INPP4B: variants seen among roughly 807,000 people sequenced by gnomAD.
INPP4B encodes inositol polyphosphate 4-phosphatase type II.
Under a neutral mutation model 122.5 loss-of-function variants are expected in INPP4B, and 55 were observed. The observed-to-expected ratio is 0.45, with a 90% CI of 0.36 to 0.56. The LOEUF is 0.56. Among genes scored for constraint, INPP4B ranks in the 20% least tolerant of loss-of-function variants. INPP4B has a pLI of 0.00. For missense variants in INPP4B, 1,000 were observed against 1,097.7 expected (o/e 0.91, Z 1.26); for synonymous variants, 403 against 388.7 (o/e 1.04, Z -0.43).
At chr4:142,650,628 C>A (rs1752740933) in intron 2 of INPP4B, among the ~76,000 whole-genome samples, 1 of 151,652 alleles carries the variant, frequency 6.6e-6, no homozygotes. Flanking sequence ...CAAAGAAGGC[C>A]ATCACACAAT....
intron 2 of INPP4B, among the ~76,000 whole-genome samples, chr4:142,634,680 G>C (rs892540844): frequency 2.0e-5 from 3 of 151,870 alleles, no homozygotes; most frequent in Admixed American, 2.0e-4. Flanking sequence ...TGCTAAAAAA[G>C]ATCTGTGAAA....
chr4:142,405,174 A>AGAGAGC, intron 6 of INPP4B, 32 bp downstream of exon 6: 3 of 1,249,388 alleles, frequency 2.4e-6, no homozygotes, highest in Non-Finnish European at 3.5e-6. Flanking sequence ...AGAGAGAGAG[A>AGAGAGC]GAGAGATTAA....
intron 1 of INPP4B, among the ~76,000 whole-genome samples, chr4:142,754,097 TA>T (rs2150956788): frequency 6.6e-6 from 1 of 152,212 alleles, no homozygotes; most frequent in African/African-American, 2.4e-5. Context: ...TTTAATGCCG[TA>T]GATGCCAATT....
At chr4:142,841,375 CT>C (rs1244271275) in intron 1 of INPP4B, among the ~76,000 whole-genome samples, 18 of 151,842 alleles carry the variant, frequency 1.2e-4, no homozygotes, top group Non-Finnish European at 2.2e-4. Context: ...GATCTTTTGG[CT>C]AAGAAAGCAA....
At chr4:142,217,927 A>ACTGGAACT (rs1457431304) in intron 12 of INPP4B, among the ~76,000 whole-genome samples, 1 of 152,086 alleles carries the variant, frequency 6.6e-6, no homozygotes, top group Admixed American at 6.6e-5. Context: ...GACACACTCG[A>ACTGGAACT]CTGGAACTAC....
At chr4:142,290,942 G>T (rs1211115093) in intron 9 of INPP4B, among the ~76,000 whole-genome samples, 1 of 152,040 alleles carries the variant, frequency 6.6e-6, no homozygotes, top group Non-Finnish European at 1.5e-5. Context: ...TATGTACCAG[G>T]CACTAGTTCA....
intron 2 of INPP4B, among the ~76,000 whole-genome samples, chr4:142,611,641 T>TC (rs1340905743): frequency 4.7e-5 from 6 of 127,686 alleles, no homozygotes; most frequent in African/African-American, 1.8e-4. Context: ...TTTTTTCTTT[T>TC]TTTTTTTTTT....
chr4:142,267,248 CAA>C (rs1174695044), intron 10 of INPP4B, among the ~76,000 whole-genome samples: 3 of 152,054 alleles, frequency 2.0e-5, no homozygotes, highest in Non-Finnish European at 2.9e-5. Flanking sequence ...CTTGAAGAGT[CAA>C]AGTTATCTTG....
At chr4:142,368,063 C>T (rs1788245507) in intron 7 of INPP4B, among the ~76,000 whole-genome samples, 1 of 152,164 alleles carries the variant, frequency 6.6e-6, no homozygotes, top group African/African-American at 2.4e-5. Context: ...GCCATGCTGC[C>T]TTTGCAACCG....
At chr4:142,797,098 A>G (rs1777357755) in intron 1 of INPP4B, among the ~76,000 whole-genome samples, 1 of 152,004 alleles carries the variant, frequency 6.6e-6, no homozygotes, top group Non-Finnish European at 1.5e-5. Flanking sequence ...AAATGCTAGC[A>G]TTTATTTAGA....
intron 23 of INPP4B, among the ~76,000 whole-genome samples, chr4:142,093,314 G>A (rs963371581): frequency 1.3e-5 from 2 of 152,092 alleles, no homozygotes; most frequent in East Asian, 3.9e-4. Flanking sequence ...TGGACATCAT[G>A]GAGCAGAGAG....
intron 1 of INPP4B, among the ~76,000 whole-genome samples, chr4:142,790,643 T>C (rs1297040905): frequency 1.3e-5 from 2 of 151,514 alleles, no homozygotes; most frequent in African/African-American, 4.8e-5. Context: ...AGAAACAAAC[T>C]GAAGGAAAAA....
At chr4:142,457,012 A>AT (rs1275032171) in intron 3 of INPP4B, among the ~76,000 whole-genome samples, 2 of 152,048 alleles carry the variant, frequency 1.3e-5, no homozygotes, top group Admixed American at 6.6e-5. Flanking sequence ...ATAATCAATT[A>AT]TTTTTTTACA....
chr4:142,832,251 T>C (rs1782236140), intron 1 of INPP4B, among the ~76,000 whole-genome samples: 1 of 152,166 alleles, frequency 6.6e-6, no homozygotes, highest in Non-Finnish European at 1.5e-5. Flanking sequence ...TCCAAAGCTC[T>C]CATGAAAAGC....
chr4:142,386,930 T>C (rs149198836), intron 7 of INPP4B, among the ~76,000 whole-genome samples: 7 of 152,332 alleles, frequency 4.6e-5, no homozygotes, highest in South Asian at 2.1e-4. Flanking sequence ...CTTGTATCCA[T>C]TGATCTCTCA....
chr4:142,580,191 T>C (rs1004281377), intron 2 of INPP4B, among the ~76,000 whole-genome samples: 1 of 151,538 alleles, frequency 6.6e-6, no homozygotes, highest in Non-Finnish European at 1.5e-5. Context: ...GAAGACTGGG[T>C]GGGGAGAAAA....
chr4:142,102,063 A>C (rs533976129), intron 23 of INPP4B, among the ~76,000 whole-genome samples: 1 of 152,032 alleles, frequency 6.6e-6, no homozygotes, highest in Non-Finnish European at 1.5e-5. Context: ...ACTTGTCCCA[A>C]TGGAGTCCTT....
At chr4:142,041,387 G>A (rs969457994) in intron 25 of INPP4B, among the ~76,000 whole-genome samples, 5 of 152,114 alleles carry the variant, frequency 3.3e-5, no homozygotes, top group African/African-American at 1.2e-4. Context: ...GGAGGCTGAG[G>A]TGGGCAGATC....
intron 9 of INPP4B, among the ~76,000 whole-genome samples, chr4:142,280,650 C>A (rs150359963): frequency 1.7e-3 from 260 of 151,814 alleles, no homozygotes; most frequent in Non-Finnish European, 3.2e-3. Context: ...AATAAAAAGT[C>A]AATTTTACTC....
Sources: allele counts gnomAD v4.1 joint callset (sites outside exome capture counted in the v4.1 genomes callset), GRCh38; gene constraint gnomAD v4.1.1; transcripts MANE v1.5; gene names NCBI Gene and HGNC (gene_info 2026-07-23, HGNC 2026-07-21).